Variants in AP4S1 observed in about 807,000 individuals in gnomAD.
AP4S1 encodes AP-4 complex subunit sigma-1.
AP4S1 carries 23 observed loss-of-function variants against 19.8 expected under a neutral mutation model. The ratio of observed to expected loss-of-function variants is 1.16; its 90% confidence interval spans 0.84 to 1.65. AP4S1 has a LOEUF of 1.65. AP4S1 is among the 40% of genes most tolerant of loss of function. The probability of loss-of-function intolerance (pLI) is 0.00; values close to 1 mark genes in which losing one functional copy is unlikely to be tolerated. For missense variants in AP4S1, 166 were observed against 172.8 expected, an observed-to-expected ratio of 0.96 and a Z score of 0.22; for synonymous variants, 46 against 54.1, an observed-to-expected ratio of 0.85 and a Z score of 0.66.
intron 1 of AP4S1, among the ~76,000 whole-genome samples, chr14:31,049,428 A>ATATATATAT (rs1555331101): frequency 1.6e-4 from 9 of 57,740 alleles, no homozygotes; most frequent in African/African-American, 7.1e-4. Context: ...AAAAAAAAAA[A>ATATATATAT]ATATATATAT....
At chr14:31,058,722 G>A (rs75749385) in intron 1 of AP4S1, among the ~76,000 whole-genome samples, 6 of 151,116 alleles carry the variant, frequency 4.0e-5, no homozygotes, top group African/African-American at 9.7e-5. Flanking sequence ...TACACACCGC[G>A]ATGCCTGGCT....
intron 1 of AP4S1, among the ~76,000 whole-genome samples, chr14:31,060,958 C>T (rs35832522): frequency 0.048 from 7,363 of 151,970 alleles, 240 homozygotes; most frequent in Middle Eastern, 0.078. Flanking sequence ...GGCACGATCT[C>T]GGTGCACTTC....
chr14:31,034,713 G>A (rs1884620436), intron 1 of AP4S1, among the ~76,000 whole-genome samples: 2 of 150,328 alleles, frequency 1.3e-5, no homozygotes, highest in African/African-American at 4.9e-5. Flanking sequence ...CGCCTCCCGG[G>A]TTCAAGCTAT....
intron 4 of AP4S1, among the ~76,000 whole-genome samples, chr14:31,073,441 G>A (rs1887163155): frequency 7.1e-6 from 1 of 140,284 alleles, no homozygotes; most frequent in East Asian, 2.1e-4. Context: ...AGTGAGCCGA[G>A]ATCCCGCCAC....
chr14:31,077,734 T>C (rs939642241), intron 4 of AP4S1, among the ~76,000 whole-genome samples: 1 of 143,200 alleles, frequency 7.0e-6, no homozygotes, highest in Non-Finnish European at 1.5e-5. Flanking sequence ...TTTTTTTTCT[T>C]TTTTCTTTTT....
intron 4 of AP4S1, among the ~76,000 whole-genome samples, chr14:31,077,546 T>A (rs956011374): frequency 7.2e-5 from 11 of 152,086 alleles, no homozygotes; most frequent in Non-Finnish European, 1.3e-4. Flanking sequence ...TGAGAACTTG[T>A]TAGACAGACA....
chr14:31,069,768 C>G, intron 2 of AP4S1, 75 bp from the exon 3 acceptor site: 1 of 1,108,298 alleles, frequency 9.0e-7, no homozygotes, highest in Non-Finnish European at 1.4e-6. Flanking sequence ...AAATCAGAAC[C>G]TAGAACTTAC....
At chr14:31,038,974 G>GT (rs1163098893) in intron 1 of AP4S1, among the ~76,000 whole-genome samples, 4 of 142,836 alleles carry the variant, frequency 2.8e-5, no homozygotes, top group East Asian at 4.0e-4. Context: ...ATTTGTTTTT[G>GT]TTTTTTTAAA....
At chr14:31,085,237 T>G (rs1343589089) in intron 5 of AP4S1, 3 of 1,046,296 alleles carry the variant, frequency 2.9e-6, no homozygotes, top group Admixed American at 1.0e-4. Flanking sequence ...ATTTATAAGG[T>G]CCCTAGATAT....
intron 5 of AP4S1, among the ~76,000 whole-genome samples, chr14:31,083,174 C>T: frequency 6.6e-6 from 1 of 152,110 alleles, no homozygotes; most frequent in Non-Finnish European, 1.5e-5. Flanking sequence ...TAGTATAGGT[C>T]TGTGTGATGA....
chr14:31,036,587 C>T (rs1339518141), intron 1 of AP4S1, among the ~76,000 whole-genome samples: 2 of 152,158 alleles, frequency 1.3e-5, no homozygotes, highest in Middle Eastern at 3.2e-3. Flanking sequence ...ATACTGTATT[C>T]TACCTTGCTC....
At chr14:31,083,568 G>A (rs536027864) in intron 5 of AP4S1, 99 of 441,678 alleles carry the variant, frequency 2.2e-4, no homozygotes, top group Admixed American at 7.0e-4. Context: ...GCAGAGGTGC[G>A]ATCATGGCTC....
rs148920560 is a variant in AP4S1, at chr14:31,046,573, C to T, written c.-71-19553C>T. Among the ~76,000 whole-genome samples the T allele has an allele frequency of 7.9e-3, 1,200 of 152,160 alleles. 10 individuals are homozygous for T. Among genetic ancestry groups the T allele is most frequent in the Non-Finnish European group, 0.012 (841 of 67,990 alleles). On this transcript the variant is annotated intron_variant, in intron 1 of 5. Transcript: ENST00000542754. The stretch of plus-strand genomic sequence containing the variant: ...TTAGAAGTAGAATTGCGGCCGGGCA[C>T]GGTAGCTCACGCCTGTTATCCCAGC...
intron 5 of AP4S1, among the ~76,000 whole-genome samples, chr14:31,089,324 G>A (rs1888013486): frequency 6.6e-6 from 1 of 152,124 alleles, no homozygotes. Context: ...AATTTGGTGG[G>A]AAATTAAAGT....
At chr14:31,044,812 G>A (rs896946677) in intron 1 of AP4S1, among the ~76,000 whole-genome samples, 1 of 151,918 alleles carries the variant, frequency 6.6e-6, no homozygotes, top group South Asian at 2.1e-4. Flanking sequence ...AAGGGTAATC[G>A]TTCACATTTC....
At chr14:31,077,906 T>C (rs1398572940) in intron 4 of AP4S1, among the ~76,000 whole-genome samples, 2 of 151,964 alleles carry the variant, frequency 1.3e-5, no homozygotes, top group Non-Finnish European at 2.9e-5. Context: ...CAGCTAATTG[T>C]TGTATTTTTA....
In AP4S1 at chr14:31,040,148, CTTTTT is replaced by C. The variant is rs148109049; in HGVS notation, c.-72+14375_-72+14379del. Among the ~76,000 whole-genome samples the C allele has an allele frequency of 2.2e-4, 28 of 129,508 alleles. No individual in the cohort carries two copies. The East Asian group carries it at 4.6e-3, about 21-fold the overall frequency. 85.0% of individuals were successfully genotyped at this position (129,508 alleles called of 152,430 possible). A position where few individuals can be genotyped will look rare whatever the true frequency, so the allele number is the denominator to read the frequency against. ...TGTGTAAAGTCAAATTACTCTGCATCTTTTTTTTTTTTTTTTTTCCTGAGACAGGG... is the reference window on the plus strand; with the variant it reads ...TGTGTAAAGTCAAATTACTCTGCATCTTTTTTTTTTTTTCCTGAGACAGGG... On this transcript the variant is annotated intron_variant, in intron 1 of 5. Coordinates refer to ENST00000542754, the MANE Select transcript of AP4S1 (RefSeq NM_001128126.3).
chr14:31,056,119 A>G (rs1226682220), intron 1 of AP4S1, among the ~76,000 whole-genome samples: 2 of 152,058 alleles, frequency 1.3e-5, no homozygotes, highest in African/African-American at 4.8e-5. Context: ...TGCTAGGATT[A>G]CAGGCATGAG....
chr14:31,064,695 G>A (rs1043972928), intron 1 of AP4S1, among the ~76,000 whole-genome samples: 1 of 152,126 alleles, frequency 6.6e-6, no homozygotes, highest in African/African-American at 2.4e-5. Flanking sequence ...GGTGGCTCAC[G>A]CCCGTAATCC....
Sources: allele counts gnomAD v4.1 joint callset (sites outside exome capture counted in the v4.1 genomes callset), GRCh38; gene constraint gnomAD v4.1.1; transcripts MANE v1.5; gene names NCBI Gene and HGNC (gene_info 2026-07-23, HGNC 2026-07-21).